The following XPO6 variants were observed in gnomAD, a reference collection of about 807,000 sequenced individuals.
XPO6 encodes the protein exportin-6.
A neutral mutation model predicts 130.0 loss-of-function variants in XPO6; 3 were observed. The observed-to-expected ratio is 0.02, with a 90% confidence interval of 0.01 to 0.06. The LOEUF (loss-of-function observed/expected upper bound fraction) is 0.06. XPO6 is among the 10% of genes least tolerant of loss of function. The pLI is 1.00. For missense variants in XPO6, 970 were observed against 1,393.0 expected (o/e 0.70, Z 4.83); for synonymous variants, 524 against 548.9 (o/e 0.95, Z 0.63).
chr16:28,162,951 C>G (rs573834668), intron 6 of XPO6, among the ~76,000 whole-genome samples: 2 of 152,322 alleles, frequency 1.3e-5, no homozygotes, highest in Non-Finnish European at 2.9e-5. Context: ...TTTCCAACCT[C>G]AGCACTACTG....
intron 1 of XPO6, among the ~76,000 whole-genome samples, chr16:28,210,036 G>T (rs1178726906): frequency 6.6e-6 from 1 of 152,120 alleles, no homozygotes; most frequent in Non-Finnish European, 1.5e-5. Context: ...GGCTAAGGTG[G>T]GAGGACTGCT....
intron 1 of XPO6, among the ~76,000 whole-genome samples, chr16:28,186,351 T>C (rs918422903): frequency 6.6e-6 from 1 of 150,440 alleles, no homozygotes; most frequent in Non-Finnish European, 1.5e-5. Context: ...CTCTTAAATA[T>C]AGATTTTTCT....
rs2042725751 is a variant in XPO6, at chr16:28,133,938, A to G, written c.1444-5T>C. 7 of 1,613,928 alleles carry G rather than the reference A, an allele frequency of 4.3e-6. No homozygotes were observed. Among genetic ancestry groups the G allele is most frequent in the Non-Finnish European group, 5.9e-6 (7 of 1,179,948 alleles). On this transcript the variant is annotated splice_region_variant and splice_polypyrimidine_tract_variant and intron_variant, in intron 10 of 23. Transcript: ENST00000304658. ...CCGCTGCCACTCCGTCTGCTGCTGT[A>G]GGGGAAGCACAGGAGAATCAGCTCT...
At chr16:28,117,232 T>C (rs1161862930) in intron 15 of XPO6, 86 bp downstream of exon 15, 22 of 1,533,614 alleles carry the variant, frequency 1.4e-5, no homozygotes, top group Non-Finnish European at 1.8e-5. Flanking sequence ...CTCTGTGTCA[T>C]ATTTAGATTT....
At position 28,211,572 on chromosome 16, in the gene XPO6, T is replaced by C; in HGVS notation, c.-204A>G. 2.3e-6 allele frequency: 1 copy of C among 438,058 alleles called. No homozygotes were observed. The highest frequency in any genetic ancestry group is 4.0e-6 in the Non-Finnish European group (1 of 251,954). 27.1% of individuals were successfully genotyped at this position (438,058 alleles called of 1,614,324 possible). Reference sequence around the variant, plus strand: ...CCTCATCGGGGGACCCCGAGACAATTCATCCAGACCCACCCGCCCCTCCCC... The same window carrying C: ...CCTCATCGGGGGACCCCGAGACAATCCATCCAGACCCACCCGCCCCTCCCC... On this transcript the variant is annotated 5_prime_UTR_variant, in exon 1 of 24. Transcript: ENST00000304658.
rs74327917 is a variant in XPO6 at position 28,149,543 on chromosome 16, G to A, written c.1224+3116C>T. ...TGTATTTTTATTCTACCTTTTCTAT[G>A]TTTAGATACAAATCCCTACCCTTGT... On this transcript the variant is annotated intron_variant, in intron 8 of 23. Transcript: ENST00000304658. Among the ~76,000 whole-genome samples the A allele has an allele frequency of 6.5e-3, 983 of 152,238 alleles. 9 individuals carry two copies. Among genetic ancestry groups the A allele is most frequent in the Non-Finnish European group, 0.011 (776 of 68,004 alleles).
At chr16:28,180,096 G>C (rs1299879583) in intron 2 of XPO6, among the ~76,000 whole-genome samples, 1 of 152,216 alleles carries the variant, frequency 6.6e-6, no homozygotes, top group Non-Finnish European at 1.5e-5. Context: ...GCCAGGCACG[G>C]TGGCTCACAC....
At chr16:28,154,455 A>G in intron 7 of XPO6, 1 of 245,218 alleles carries the variant, frequency 4.1e-6, no homozygotes, top group Non-Finnish European at 6.5e-6. Context: ...TTAGGGGAAA[A>G]GGCAGTAGAG....
At position 28,128,863 on chromosome 16, in the gene XPO6, C is replaced by G. The variant is rs148647084; in HGVS notation, c.1607-3015G>C. On this transcript the variant is annotated intron_variant, in intron 12 of 23. Coordinates refer to ENST00000304658, the MANE Select transcript of XPO6 (RefSeq NM_015171.4). ...GGTAGAACACAGAACAAGCCAAAGC[C>G]TGCTGACAGCATGATAGCCCTGGGG... Among the ~76,000 whole-genome samples the G allele has an allele frequency of 2.3e-3, 358 of 152,342 alleles. 1 individual carries two copies. Among genetic ancestry groups the G allele is most frequent in the African/African-American group, 8.1e-3 (338 of 41,578 alleles).
chr16:28,153,609 C>T, intron 7 of XPO6: 4 of 985,390 alleles, frequency 4.1e-6, no homozygotes, highest in Non-Finnish European at 4.8e-6. Context: ...AAATACACAG[C>T]ACATCATCAC....
chr16:28,120,213 T>G (rs1396966100), intron 14 of XPO6, among the ~76,000 whole-genome samples: 1 of 152,190 alleles, frequency 6.6e-6, no homozygotes, highest in Non-Finnish European at 1.5e-5. Context: ...TCATGTATTG[T>G]GTGCAGAGAG....
intron 1 of XPO6, among the ~76,000 whole-genome samples, chr16:28,200,121 C>A (rs1364692991): frequency 6.6e-6 from 1 of 151,604 alleles, no homozygotes; most frequent in Non-Finnish European, 1.5e-5. Context: ...CGCCACTACA[C>A]CCCAGCCTGG....
At chr16:28,160,935 A>G (rs970871702) in intron 6 of XPO6, among the ~76,000 whole-genome samples, 8 of 152,328 alleles carry the variant, frequency 5.3e-5, no homozygotes, top group Admixed American at 3.3e-4. Context: ...CAGTTTTTCT[A>G]TTTTTGAAAT....
intron 14 of XPO6, 83 bp downstream of exon 14, chr16:28,121,587 G>A (rs778438568): frequency 4.8e-6 from 5 of 1,042,470 alleles, no homozygotes; most frequent in Admixed American, 3.4e-5. Context: ...AGCCACTACT[G>A]TTCCTTTTTC....
chr16:28,159,334 A>C (rs2043234593), intron 6 of XPO6, among the ~76,000 whole-genome samples: 1 of 152,060 alleles, frequency 6.6e-6, no homozygotes, highest in African/African-American at 2.4e-5. Flanking sequence ...TCCTGTTCCA[A>C]GAAAAAAATG....
chr16:28,132,213 A>ATGC lies in XPO6; in HGVS notation c.1606+118_1606+120dup, dbSNP rs1469926043. On this transcript the variant is annotated intron_variant, in intron 12 of 23. Transcript: ENST00000304658. This position sits in a 1 kb window ranked among gnomAD's most constrained non-coding sequence, Gnocchi z 4.0. The stretch of plus-strand genomic sequence containing the variant: ...GTTCCCTGTTTCGAAGTGGGGAGAG[A>ATGC]TGCCAGTGGGGAGGCTGCAGTGAAG... The ATGC allele has an allele frequency of 1.3e-6, 1 of 746,856 alleles. No homozygotes were observed. Among genetic ancestry groups the ATGC allele is most frequent in the Non-Finnish European group, 2.3e-6 (1 of 443,772 alleles). The allele number at this position is 746,856 out of a possible 1,614,324, so 46.3% of individuals were successfully genotyped here.
intron 14 of XPO6, among the ~76,000 whole-genome samples, chr16:28,117,695 G>C (rs2087105150): frequency 6.6e-6 from 1 of 152,174 alleles, no homozygotes; most frequent in African/African-American, 2.4e-5. Context: ...AATGTCTACT[G>C]AATCTTATTC....
At chr16:28,189,676 A>G (rs1490891959) in intron 1 of XPO6, among the ~76,000 whole-genome samples, 1 of 152,086 alleles carries the variant, frequency 6.6e-6, no homozygotes, top group African/African-American at 2.4e-5. Context: ...CCACCCCTCT[A>G]TTAACACAAT....
chr16:28,202,048 AAAG>A (rs1374574070), intron 1 of XPO6, among the ~76,000 whole-genome samples: 1 of 152,206 alleles, frequency 6.6e-6, no homozygotes, highest in Non-Finnish European at 1.5e-5. Flanking sequence ...CATTTGCAAG[AAAG>A]AAAAGGGCGC....
Sources: gnomAD v4.1 joint callset for allele counts (sites outside exome capture counted in the v4.1 genomes callset) on GRCh38, gnomAD v4.1.1 for gene constraint, Gnocchi (gnomAD v3.1) non-coding constraint, MANE v1.5 for transcripts, NCBI Gene and HGNC (gene_info 2026-07-23, HGNC 2026-07-21) for gene names.